Variants in FBXO42 observed in about 807,000 individuals in gnomAD.
FBXO42 encodes F-box only protein 42.
Under a neutral mutation model 71.7 loss-of-function variants are expected in FBXO42, and 12 were observed. That is an observed-to-expected ratio of 0.17 (90% confidence interval 0.11 to 0.27). FBXO42 has a LOEUF of 0.27. Among genes scored for constraint, FBXO42 ranks in the 10% least tolerant of loss-of-function variants. FBXO42 has a pLI of 1.00. For missense variants in FBXO42, 707 were observed against 911.9 expected, an observed-to-expected ratio of 0.78 and a Z score of 2.89; for synonymous variants, 325 against 327.5, an observed-to-expected ratio of 0.99 and a Z score of 0.08.
At chr1:16,314,830 G>A (rs2100575924) in intron 2 of FBXO42, among the ~76,000 whole-genome samples, 1 of 151,638 alleles carries the variant, frequency 6.6e-6, no homozygotes, top group Admixed American at 6.6e-5. Context: ...CTTGCAGTGA[G>A]CCGAGATTGC....
intron 1 of FBXO42, among the ~76,000 whole-genome samples, chr1:16,323,764 T>TCC (rs1440289407): frequency 1.8e-5 from 2 of 109,092 alleles, no homozygotes; most frequent in East Asian, 5.3e-4. Flanking sequence ...CACTCCAAGG[T>TCC]GGGTGAGGTG....
intron 1 of FBXO42, among the ~76,000 whole-genome samples, chr1:16,328,640 T>C (rs1161936467): frequency 6.6e-6 from 1 of 152,152 alleles, no homozygotes; most frequent in East Asian, 1.9e-4. Flanking sequence ...CATATATACA[T>C]GTGTTAGTAT....
In FBXO42 at chr1:16,253,080, C is replaced by CA. The variant is rs1398920244; in HGVS notation, c.921+15dup. The stretch of plus-strand genomic sequence containing the variant: ...TAGTAGCATGCACATGGGAATGCCA[C>CA]AGAAGCAATACTCACAGCATTGGGA... On this transcript the variant is annotated intron_variant, in intron 8 of 9. Coordinates refer to ENST00000375592, the MANE Select transcript of FBXO42 (RefSeq NM_018994.3). The CA allele has an allele frequency of 5.0e-6, 8 of 1,611,968 alleles. No homozygotes were observed. The highest frequency in any genetic ancestry group is 6.8e-6 in the Non-Finnish European group (8 of 1,179,004).
At chr1:16,266,714 C>T (rs1201625517) in intron 4 of FBXO42, among the ~76,000 whole-genome samples, 2 of 152,170 alleles carry the variant, frequency 1.3e-5, no homozygotes, top group Non-Finnish European at 2.9e-5. Context: ...TCTTGGAAAG[C>T]TCTGACTAAG....
chr1:16,274,322 A>G (rs535381358), intron 4 of FBXO42, among the ~76,000 whole-genome samples: 49 of 152,194 alleles, frequency 3.2e-4, no homozygotes, highest in Admixed American at 2.1e-3. Flanking sequence ...AACACAAAAA[A>G]AAAAGAAAAG....
chr1:16,339,069 C>G (rs2082579040), intron 1 of FBXO42, among the ~76,000 whole-genome samples: 1 of 152,026 alleles, frequency 6.6e-6, no homozygotes, highest in South Asian at 2.1e-4. Context: ...CTCAGCCTAC[C>G]AAAGTGCTGG....
Position 16,262,745 on chromosome 1 carries a change from C to T in FBXO42, c.503-5986G>A, listed in dbSNP as rs138382754. ...CAGGGTCTCACTCCGGTTGCCCAGG[C>T]TAGAGTCTGGAGTGCAGTGGCGTAA... On this transcript the variant is annotated intron_variant, in intron 4 of 9. Coordinates refer to ENST00000375592, the MANE Select transcript of FBXO42 (RefSeq NM_018994.3). 1.1e-4 allele frequency among the ~76,000 whole-genome samples: 16 copies of T among 152,222 alleles called. No homozygotes were observed. In the East Asian group the frequency reaches 1.9e-3, roughly 18 times the overall value.
chr1:16,324,834 A>C (rs200915131), intron 1 of FBXO42, among the ~76,000 whole-genome samples: 1 of 152,092 alleles, frequency 6.6e-6, no homozygotes, highest in East Asian at 1.9e-4. Context: ...AAAAAACAAC[A>C]ACAAAAATAA....
chr1:16,327,857 A>C (rs1205052244), intron 1 of FBXO42, among the ~76,000 whole-genome samples: 1 of 152,038 alleles, frequency 6.6e-6, no homozygotes, highest in Non-Finnish European at 1.5e-5. Flanking sequence ...ACACACCACC[A>C]CACCCAGCTA....
intron 1 of FBXO42, among the ~76,000 whole-genome samples, chr1:16,349,572 A>T (rs1393373474): frequency 6.6e-6 from 1 of 152,240 alleles, no homozygotes; most frequent in East Asian, 1.9e-4. Context: ...ATAAAGAGTT[A>T]ATTCAGGGCC....
At chr1:16,288,081 G>A (rs1012775040) in intron 4 of FBXO42, among the ~76,000 whole-genome samples, 1 of 152,134 alleles carries the variant, frequency 6.6e-6, no homozygotes, top group Non-Finnish European at 1.5e-5. Flanking sequence ...AGGAGATGGA[G>A]TGAGCCGAGA....
Position 16,337,883 on chromosome 1 carries a change from C to CA in FBXO42, c.-18+14371dup, listed in dbSNP as rs60328879. On this transcript the variant is annotated intron_variant, in intron 1 of 9. Coordinates refer to ENST00000375592, the MANE Select transcript of FBXO42 (RefSeq NM_018994.3). Reference sequence around the variant, plus strand: ...TGGGAGAAAGAGCGAGACTCCGTCTCAAAAAAAAAAAAAAAAAAAAAAAAA... The same window carrying CA: ...TGGGAGAAAGAGCGAGACTCCGTCTCAAAAAAAAAAAAAAAAAAAAAAAAAA... 5.0e-3 allele frequency among the ~76,000 whole-genome samples: 196 copies of CA among 38,846 alleles called. 24 individuals are homozygous for CA. Among genetic ancestry groups the CA allele is most frequent in the African/African-American group, 0.015 (156 of 10,698 alleles). 25.5% of individuals were successfully genotyped at this position (38,846 alleles called of 152,430 possible).
Position 16,248,699 on chromosome 1 carries a change from C to T in FBXO42, c.*1971G>A, listed in dbSNP as rs531612535. ...CTTGTAAATAAGGACCCCACATGAT[C>T]GAACAGTCTTTGCCAAGCAAGGATT... On this transcript the variant is annotated 3_prime_UTR_variant, in exon 10 of 10. Coordinates refer to ENST00000375592, the MANE Select transcript of FBXO42 (RefSeq NM_018994.3). 6.6e-6 allele frequency: 1 copy of T among 152,338 alleles called. No homozygotes were observed. The highest frequency in any genetic ancestry group is 2.1e-4 in the South Asian group (1 of 4,832). 9.4% of individuals were successfully genotyped at this position (152,338 alleles called of 1,614,324 possible).
chr1:16,265,568 C>G (rs925757385), intron 4 of FBXO42, among the ~76,000 whole-genome samples: 30 of 151,620 alleles, frequency 2.0e-4, no homozygotes, highest in African/African-American at 5.3e-4. Context: ...TTACTAGCCT[C>G]ATTTTACAGA....
chr1:16,302,414 G>A (rs1476070773), intron 3 of FBXO42, among the ~76,000 whole-genome samples: 3 of 152,186 alleles, frequency 2.0e-5, no homozygotes, highest in Admixed American at 6.5e-5. Flanking sequence ...CACATGGCTG[G>A]AGAGGCCTCA....
At chr1:16,348,171 C>T (rs1431564820) in intron 1 of FBXO42, among the ~76,000 whole-genome samples, 2 of 152,020 alleles carry the variant, frequency 1.3e-5, no homozygotes, top group African/African-American at 2.4e-5. Context: ...TTCCATCAGC[C>T]GCAACTTTAG....
At chr1:16,288,132 T>A (rs1449314178) in intron 4 of FBXO42, among the ~76,000 whole-genome samples, 2 of 151,090 alleles carry the variant, frequency 1.3e-5, no homozygotes, top group East Asian at 3.9e-4. Context: ...AGAGTGAAAC[T>A]CTGTCTCAAA....
At chr1:16,298,088 G>A (rs2082150652) in intron 3 of FBXO42, among the ~76,000 whole-genome samples, 1 of 151,646 alleles carries the variant, frequency 6.6e-6, no homozygotes, top group Non-Finnish European at 1.5e-5. Context: ...GGTCTGGCAT[G>A]GTGGCATGCA....
intron 2 of FBXO42, among the ~76,000 whole-genome samples, chr1:16,311,766 G>A (rs966352726): frequency 1.3e-5 from 2 of 151,962 alleles, no homozygotes; most frequent in Non-Finnish European, 2.9e-5. Flanking sequence ...CTGCTAGTGG[G>A]AGTACAAAAT....
Sources: allele counts gnomAD v4.1 joint callset (sites outside exome capture counted in the v4.1 genomes callset), GRCh38; gene constraint gnomAD v4.1.1; transcripts MANE v1.5; gene names NCBI Gene and HGNC (gene_info 2026-07-23, HGNC 2026-07-21).